RANBP17: variants seen among roughly 807,000 people sequenced by gnomAD.
RANBP17 encodes ran-binding protein 17.
A neutral mutation model predicts 141.2 loss-of-function variants in RANBP17; 158 were observed. The ratio of observed to expected loss-of-function variants is 1.12; its 90% CI spans 0.98 to 1.28. The LOEUF (loss-of-function observed/expected upper bound fraction) is 1.28, where lower values mean the gene tolerates loss of function less well. RANBP17 is among the 50% of genes most tolerant of loss of function. The pLI is 0.00. For synonymous variants in RANBP17, 430 were observed against 450.0 expected, an observed-to-expected ratio of 0.96 and a Z score of 0.56; for missense variants, 1,438 against 1,290.7, an observed-to-expected ratio of 1.11 and a Z score of -1.75.
chr5:171,254,487 A>G lies in RANBP17; in HGVS notation c.2777-11194A>G, dbSNP rs191514034. 2.0e-5 allele frequency among the ~76,000 whole-genome samples: 3 copies of G among 152,302 alleles called. No individual in the cohort carries two copies. The East Asian group carries it at 5.8e-4, about 29-fold the overall frequency. The stretch of plus-strand genomic sequence containing the variant: ...ATAGTGAGCTAAACAAACCCTTTGA[A>G]GATTACATTTTAATCAAGTAGACTA... On this transcript the variant is annotated intron_variant, in intron 24 of 27. Transcript: ENST00000523189.
At chr5:171,282,454 A>ATGTTGT (rs11269694) in intron 25 of RANBP17, among the ~76,000 whole-genome samples, 10 of 149,450 alleles carry the variant, frequency 6.7e-5, no homozygotes, top group African/African-American at 2.2e-4. Context: ...AGAAAGCTGC[A>ATGTTGT]TGTTGTTGTT....
intron 14 of RANBP17, among the ~76,000 whole-genome samples, chr5:171,160,435 C>G (rs1759264442): frequency 1.3e-5 from 2 of 152,114 alleles, no homozygotes; most frequent in Admixed American, 6.5e-5. Flanking sequence ...GAAAATTTTA[C>G]TGTATACCAG....
intron 14 of RANBP17, among the ~76,000 whole-genome samples, chr5:171,106,263 G>C (rs1754827936): frequency 6.6e-6 from 1 of 152,290 alleles, no homozygotes; most frequent in South Asian, 2.1e-4. Flanking sequence ...ACAGACAGGA[G>C]AGAGGAATCA....
chr5:170,928,063 C>T (rs1044263529), intron 12 of RANBP17, among the ~76,000 whole-genome samples: 2 of 152,198 alleles, frequency 1.3e-5, no homozygotes, highest in East Asian at 3.9e-4. Flanking sequence ...TACTGGGTGT[C>T]TAGTGTTATC....
intron 14 of RANBP17, among the ~76,000 whole-genome samples, chr5:171,135,975 G>A (rs970178500): frequency 3.9e-5 from 6 of 152,178 alleles, no homozygotes; most frequent in Non-Finnish European, 8.8e-5. Flanking sequence ...ATGTCAAAAA[G>A]AAATAATCAG....
chr5:171,147,604 TG>T (rs1163059891), intron 14 of RANBP17, among the ~76,000 whole-genome samples: 1 of 151,936 alleles, frequency 6.6e-6, no homozygotes, highest in Non-Finnish European at 1.5e-5. Context: ...TTGGTAGAGA[TG>T]GGGTTTCACC....
chr5:171,183,317 A>G lies in RANBP17; in HGVS notation c.1930-5A>G. ...TAACTTGGATTACTCTTTTGCTTTC[A>G]TTAGAGTGAACACTTCCCTTTTCTT... On this transcript the variant is annotated splice_region_variant and splice_polypyrimidine_tract_variant and intron_variant, in intron 17 of 27. Coordinates refer to ENST00000523189, the MANE Select transcript of RANBP17 (RefSeq NM_022897.5). The G allele has an allele frequency of 6.2e-7, 1 of 1,612,132 alleles. No homozygotes were observed. The highest frequency in any genetic ancestry group is 8.5e-7 in the Non-Finnish European group (1 of 1,178,176).
At chr5:170,897,729 G>A (rs1770258002) in intron 5 of RANBP17, among the ~76,000 whole-genome samples, 1 of 152,156 alleles carries the variant, frequency 6.6e-6, no homozygotes, top group Admixed American at 6.5e-5. Context: ...TCCCTGTGAA[G>A]GATATGAACT....
At chr5:171,014,571 A>T (rs10050367) in intron 14 of RANBP17, among the ~76,000 whole-genome samples, 146,254 of 152,066 alleles carry the variant, frequency 0.96, 70,388 homozygotes, top group East Asian at 1. Context: ...TTTCCAGCAG[A>T]GTACTTCCAT....
chr5:171,142,279 A>G (rs1051414789), intron 14 of RANBP17, among the ~76,000 whole-genome samples: 1 of 152,290 alleles, frequency 6.6e-6, no homozygotes, highest in East Asian at 1.9e-4. Context: ...TCTCTTTTTC[A>G]TAGAATTTTC....
chr5:171,249,959 T>A (rs1327780835), intron 24 of RANBP17, among the ~76,000 whole-genome samples: 1 of 152,344 alleles, frequency 6.6e-6, no homozygotes, highest in Admixed American at 6.5e-5. Flanking sequence ...TGGTACATTA[T>A]AGTCAGAATA....
rs188683493 is a variant in RANBP17, at chr5:171,081,512, T to C, written c.1711-88618T>C. On this transcript the variant is annotated intron_variant, in intron 14 of 27. Coordinates refer to ENST00000523189, the MANE Select transcript of RANBP17 (RefSeq NM_022897.5). Reference sequence around the variant, plus strand: ...GTAGTGTCCTTTGTTTATAACATAATAATCTTGACTTTACAAAATAGTTAA... The same window carrying C: ...GTAGTGTCCTTTGTTTATAACATAACAATCTTGACTTTACAAAATAGTTAA... 3.3e-5 allele frequency among the ~76,000 whole-genome samples: 5 copies of C among 152,324 alleles called. 1 individual carries two copies. Among genetic ancestry groups the C allele is most frequent in the African/African-American group, 1.2e-4 (5 of 41,590 alleles).
intron 14 of RANBP17, among the ~76,000 whole-genome samples, chr5:171,008,994 G>A (rs1371606473): frequency 1.3e-5 from 2 of 152,162 alleles, no homozygotes; most frequent in Admixed American, 6.5e-5. Context: ...GTTATTAAAT[G>A]GCATTACTTA....
At chr5:170,966,270 T>G (rs62393887) in intron 13 of RANBP17, among the ~76,000 whole-genome samples, 1 of 152,088 alleles carries the variant, frequency 6.6e-6, no homozygotes, top group Non-Finnish European at 1.5e-5. Flanking sequence ...ATATCCTTGA[T>G]GAACATTGAT....
intron 13 of RANBP17, among the ~76,000 whole-genome samples, chr5:170,963,462 A>G (rs934942895): frequency 1.3e-5 from 2 of 152,232 alleles, no homozygotes; most frequent in Middle Eastern, 3.2e-3. Context: ...ACAATAACAA[A>G]AACTTCTGCA....
intron 14 of RANBP17, among the ~76,000 whole-genome samples, chr5:171,149,553 A>G (rs1758324031): frequency 6.6e-6 from 1 of 152,226 alleles, no homozygotes; most frequent in Non-Finnish European, 1.5e-5. Context: ...TTCATTACAC[A>G]TCTGGTAAAG....
chr5:170,878,253 T>A lies in RANBP17; in HGVS notation c.165+10T>A. ...ATTAGAACAAGGAACAGTAAGTATT[T>A]GGTAACAATGATTAACCATGAAAGA... On this transcript the variant is annotated intron_variant, in intron 2 of 27. Coordinates refer to ENST00000523189, the MANE Select transcript of RANBP17 (RefSeq NM_022897.5). 1 of 1,597,950 alleles carries A rather than the reference T, an allele frequency of 6.3e-7. No individual in the cohort carries two copies.
intron 3 of RANBP17, among the ~76,000 whole-genome samples, chr5:170,884,443 GA>G (rs1310514947): frequency 2.0e-5 from 3 of 152,042 alleles, no homozygotes; most frequent in Non-Finnish European, 4.4e-5. Context: ...CTAGAGAAAA[GA>G]ATATTATTTG....
intron 14 of RANBP17, among the ~76,000 whole-genome samples, chr5:171,120,340 T>C (rs977304865): frequency 6.6e-6 from 1 of 152,190 alleles, no homozygotes; most frequent in Non-Finnish European, 1.5e-5. Flanking sequence ...TGTCCAGAGA[T>C]GCTGTCTGGG....
Sources: gnomAD v4.1 joint callset for allele counts (sites outside exome capture counted in the v4.1 genomes callset) on GRCh38, gnomAD v4.1.1 for gene constraint, MANE v1.5 for transcripts, NCBI Gene and HGNC (gene_info 2026-07-23, HGNC 2026-07-21) for gene names.